TFDP2: variants seen among roughly 807,000 people sequenced by gnomAD.
The protein encoded by TFDP2 is transcription factor Dp-2 (E2F dimerization partner 2).
In TFDP2, 17 loss-of-function variants were observed where a neutral mutation model predicts 59.3. The ratio of observed to expected loss-of-function variants is 0.29; its 90% CI spans 0.20 to 0.43. The LOEUF (loss-of-function observed/expected upper bound fraction) is 0.43. TFDP2 is among the 20% of genes least tolerant of loss of function. The pLI, the probability that TFDP2 is intolerant of heterozygous loss-of-function variation, is 1.00. For missense variants in TFDP2, 391 were observed against 528.8 expected (o/e 0.74, Z 2.56); for synonymous variants, 180 against 194.7 (o/e 0.92, Z 0.63).
intron 3 of TFDP2, chr3:142,044,089 G>A (rs1304080778): frequency 1.5e-6 from 1 of 647,940 alleles, no homozygotes; most frequent in African/African-American, 1.8e-5. Context: ...CTGCTGACGG[G>A]AGTTGGCATT....
chr3:142,077,417 C>G (rs2060496539), intron 3 of TFDP2, among the ~76,000 whole-genome samples: 1 of 152,208 alleles, frequency 6.6e-6, no homozygotes, highest in Non-Finnish European at 1.5e-5. Flanking sequence ...CTGAAAAAGA[C>G]ACTCCTTCTT....
chr3:142,027,489 TCTC>T (rs1260025009), intron 3 of TFDP2, among the ~76,000 whole-genome samples: 6 of 151,842 alleles, frequency 4.0e-5, no homozygotes, highest in African/African-American at 1.5e-4. Flanking sequence ...CTCCTCTCCC[TCTC>T]CCTCTCCCTC....
At chr3:142,083,538 A>C (rs886295829) in intron 3 of TFDP2, among the ~76,000 whole-genome samples, 2 of 152,208 alleles carry the variant, frequency 1.3e-5, no homozygotes, top group Non-Finnish European at 2.9e-5. Context: ...TAGACCCAGA[A>C]TAGCCAAAGC....
intron 1 of TFDP2, among the ~76,000 whole-genome samples, chr3:142,129,231 G>A (rs2062398008): frequency 6.6e-6 from 1 of 151,662 alleles, no homozygotes; most frequent in Non-Finnish European, 1.5e-5. Context: ...AACAGCAAAG[G>A]AATAACAAGA....
At chr3:142,144,854 A>G (rs2063109361) in intron 1 of TFDP2, among the ~76,000 whole-genome samples, 1 of 152,200 alleles carries the variant, frequency 6.6e-6, no homozygotes, top group Admixed American at 6.5e-5. Context: ...CGACTTTTAA[A>G]ACATACATGC....
intron 4 of TFDP2, among the ~76,000 whole-genome samples, chr3:142,003,629 C>A (rs76634323): frequency 6.6e-5 from 10 of 152,142 alleles, no homozygotes; most frequent in African/African-American, 2.4e-4. Context: ...CTGATTCCTG[C>A]CCAAGAACTC....
intron 3 of TFDP2, among the ~76,000 whole-genome samples, chr3:142,006,481 T>C (rs1320253201): frequency 6.6e-6 from 1 of 151,622 alleles, no homozygotes; most frequent in Non-Finnish European, 1.5e-5. Context: ...TTTTTTTTTT[T>C]TTTTGAGATG....
chr3:142,071,281 CT>C (rs1433861592), intron 3 of TFDP2, among the ~76,000 whole-genome samples: 2 of 152,030 alleles, frequency 1.3e-5, no homozygotes, highest in Admixed American at 1.3e-4. Flanking sequence ...CTCAGCCCCC[CT>C]AGTAGCTGGG....
chr3:142,020,180 C>T (rs1576735401), intron 3 of TFDP2, among the ~76,000 whole-genome samples: 3 of 152,096 alleles, frequency 2.0e-5, no homozygotes, highest in Admixed American at 1.3e-4. Flanking sequence ...CCACTGAAAA[C>T]AAAGTAGACT....
chr3:142,115,725 G>GT (rs2061834279), intron 1 of TFDP2, among the ~76,000 whole-genome samples: 2 of 152,054 alleles, frequency 1.3e-5, no homozygotes, highest in South Asian at 4.1e-4. Flanking sequence ...CTATGATGTT[G>GT]TTTTTTTCAT....
intron 6 of TFDP2, chr3:141,989,463 C>T (rs1233666597): frequency 6.6e-6 from 1 of 152,238 alleles, no homozygotes; most frequent in Non-Finnish European, 1.5e-5. Flanking sequence ...AATTCTTAAA[C>T]CAGCTGAAGC....
chr3:141,995,097 C>A lies in TFDP2; in HGVS notation c.231G>T (p.Leu77=), dbSNP rs746537571. The A allele has an allele frequency of 1.2e-6, 2 of 1,610,812 alleles. No individual in the cohort carries two copies. Among genetic ancestry groups the A allele is most frequent in the Non-Finnish European group, 1.7e-6 (2 of 1,178,252 alleles). ...PQRLTSSGSV[L]IGSPYTPAPA... ...GTGCAGGGGTATATGGACTCCCAAT[C>A]AGAACACTTCCTGAACTGGTTAGTC... The change falls in exon 5 of 13, where the codon CTG becomes CTT. Residue 77 remains leucine, a synonymous_variant. Transcript: ENST00000489671.
At chr3:142,017,696 G>T (rs887517833) in intron 3 of TFDP2, among the ~76,000 whole-genome samples, 6 of 151,634 alleles carry the variant, frequency 4.0e-5, no homozygotes, top group Admixed American at 2.6e-4. Context: ...TGGATTACAG[G>T]CACATGCCAC....
chr3:141,963,365 C>T (rs1175953983), intron 10 of TFDP2, among the ~76,000 whole-genome samples: 1 of 152,172 alleles, frequency 6.6e-6, no homozygotes, highest in East Asian at 1.9e-4. Flanking sequence ...TAAACAGAAG[C>T]ATGCATAACT....
chr3:142,136,234 A>T (rs147900552), intron 1 of TFDP2, among the ~76,000 whole-genome samples: 1 of 152,014 alleles, frequency 6.6e-6, no homozygotes, highest in African/African-American at 2.4e-5. Context: ...TCCTTTGCCC[A>T]CTTTTTGATA....
chr3:142,087,464 C>T (rs535065394), intron 3 of TFDP2, among the ~76,000 whole-genome samples: 1 of 152,032 alleles, frequency 6.6e-6, no homozygotes, highest in South Asian at 2.1e-4. Context: ...CATTATGCAG[C>T]ACATGACTGC....
chr3:142,078,219 G>T (rs1326146924), intron 3 of TFDP2, among the ~76,000 whole-genome samples: 1 of 152,162 alleles, frequency 6.6e-6, no homozygotes, highest in Non-Finnish European at 1.5e-5. Context: ...CTCCCAGATG[G>T]CGTCTCTCAA....
intron 1 of TFDP2, among the ~76,000 whole-genome samples, chr3:142,111,229 G>C (rs2061647361): frequency 6.6e-6 from 1 of 152,020 alleles, no homozygotes; most frequent in African/African-American, 2.4e-5. Flanking sequence ...AGGAGTTCGA[G>C]ACCAGCCTGG....
At chr3:141,955,145 AGCAT>A (rs1936438993) in intron 11 of TFDP2, among the ~76,000 whole-genome samples, 1 of 152,194 alleles carries the variant, frequency 6.6e-6, no homozygotes, top group Non-Finnish European at 1.5e-5. Flanking sequence ...CTTGTTTGTG[AGCAT>A]AACACATTAC....
Sources: allele counts gnomAD v4.1 joint callset (sites outside exome capture counted in the v4.1 genomes callset), GRCh38; gene constraint gnomAD v4.1.1; transcripts MANE v1.5; gene names NCBI Gene and HGNC (gene_info 2026-07-23, HGNC 2026-07-21).